Variants in CCDC170 observed in about 807,000 individuals in gnomAD.
CCDC170 encodes coiled-coil domain containing 170, also known as coiled-coil domain-containing protein 170.
In CCDC170, 69 loss-of-function variants were observed where a neutral mutation model predicts 72.6. That is an observed-to-expected ratio of 0.95 (90% CI 0.78 to 1.16). The LOEUF is 1.16. Ranked by LOEUF, CCDC170 falls within the 50% of genes most tolerant of loss-of-function variation. The pLI, the probability that CCDC170 is intolerant of heterozygous loss-of-function variation, is 0.00. For missense variants in CCDC170, 852 were observed against 832.5 expected (o/e 1.02, Z -0.29); for synonymous variants, 300 against 303.9 (o/e 0.99, Z 0.13).
At chr6:151,534,251 C>A (rs1367539341) in intron 1 of CCDC170, among the ~76,000 whole-genome samples, 1 of 151,692 alleles carries the variant, frequency 6.6e-6, no homozygotes, top group Non-Finnish European at 1.5e-5. Context: ...GAGATGGGGT[C>A]TCACTGTTGC....
chr6:151,559,444 T>C (rs1783040873), intron 5 of CCDC170, among the ~76,000 whole-genome samples: 1 of 152,236 alleles, frequency 6.6e-6, no homozygotes, highest in African/African-American at 2.4e-5. Flanking sequence ...AATTTATAAA[T>C]TATTTTATGT....
chr6:151,551,637 A>G (rs747432298), intron 5 of CCDC170, among the ~76,000 whole-genome samples: 3 of 152,170 alleles, frequency 2.0e-5, no homozygotes, highest in African/African-American at 4.8e-5. Context: ...CCATGTGGTG[A>G]AGACACTTAG....
intron 1 of CCDC170, 21 bp from the exon 2 acceptor site, chr6:151,536,297 A>G (rs758093912): frequency 6.2e-7 from 1 of 1,611,976 alleles, no homozygotes; most frequent in South Asian, 1.1e-5. Flanking sequence ...TATATTTTGT[A>G]TTTTGGGGGA....
chr6:151,494,226 G>A (rs909666536), intron 1 of CCDC170, 41 bp downstream of exon 1: 2 of 1,478,388 alleles, frequency 1.4e-6, no homozygotes, highest in Non-Finnish European at 1.8e-6. Flanking sequence ...GGTGGCCCTG[G>A]GGATAGACGA....
chr6:151,615,555 T>C lies in CCDC170; in HGVS notation c.1823T>C (p.Leu608Pro). 6.2e-7 allele frequency: 1 copy of C among 1,613,996 alleles called. No homozygotes were observed. Among genetic ancestry groups the C allele is most frequent in the African/African-American group, 1.3e-5 (1 of 75,018 alleles). ...AAGCTCATGTCTGTCAAGTCAGAACTGGATACCACAGAACATGAGGCTAAG... is the reference window on the plus strand; with the variant it reads ...AAGCTCATGTCTGTCAAGTCAGAACCGGATACCACAGAACATGAGGCTAAG... Reference protein sequence around the residue: ...EKKLMSVKSELDTTEHEAKEN... With the variant: ...EKKLMSVKSEPDTTEHEAKEN... The change falls in exon 10 of 11, where the codon CTG becomes CCG. Residue 608 changes from leucine to proline, a missense_variant. Transcript: ENST00000239374.
chr6:151,562,382 C>CT (rs1412811143), intron 5 of CCDC170, among the ~76,000 whole-genome samples: 2 of 151,954 alleles, frequency 1.3e-5, no homozygotes, highest in Admixed American at 1.3e-4. Flanking sequence ...AATGGGACTT[C>CT]TTTTTTAAAT....
chr6:151,590,247 A>G (rs1019705077), intron 7 of CCDC170, among the ~76,000 whole-genome samples: 1 of 152,194 alleles, frequency 6.6e-6, no homozygotes, highest in Admixed American at 6.5e-5. Context: ...TAAGGCCAGA[A>G]AAAATCATTT....
chr6:151,561,507 T>C (rs1583027081), intron 5 of CCDC170, among the ~76,000 whole-genome samples: 1 of 152,130 alleles, frequency 6.6e-6, no homozygotes, highest in Non-Finnish European at 1.5e-5. Flanking sequence ...GGCTGGCAAT[T>C]TTTTTCTTTT....
chr6:151,593,033 A>G, intron 7 of CCDC170, 74 bp from the exon 8 acceptor site: 2 of 1,474,992 alleles, frequency 1.4e-6, no homozygotes. Flanking sequence ...TGGGAGAAAG[A>G]GGAAGAGATT....
intron 1 of CCDC170, among the ~76,000 whole-genome samples, chr6:151,523,700 AAT>A (rs1273848482): frequency 2.6e-5 from 4 of 150,980 alleles, no homozygotes; most frequent in Non-Finnish European, 1.5e-5. Context: ...AAAAAAAAAA[AAT>A]CATTGAATTC....
chr6:151,602,099 C>A (rs1024514448), intron 9 of CCDC170, among the ~76,000 whole-genome samples: 2 of 152,096 alleles, frequency 1.3e-5, no homozygotes, highest in Admixed American at 6.6e-5. Context: ...TGATTGAAGA[C>A]CTTGATGCCT....
chr6:151,508,212 G>A (rs1782091595), intron 1 of CCDC170, among the ~76,000 whole-genome samples: 1 of 152,150 alleles, frequency 6.6e-6, no homozygotes, highest in Non-Finnish European at 1.5e-5. Flanking sequence ...AGCTTATTAA[G>A]GTTTCAAGCA....
At position 151,620,167 on chromosome 6, in the gene CCDC170, A is replaced by G. The variant is rs1347631149; in HGVS notation, c.*2020A>G. The G allele has an allele frequency of 6.7e-6, 1 of 149,154 alleles. No individual in the cohort carries two copies. Among genetic ancestry groups the G allele is most frequent in the Non-Finnish European group, 1.5e-5 (1 of 67,472 alleles). 9.2% of individuals were successfully genotyped at this position (149,154 alleles called of 1,614,324 possible). On this transcript the variant is annotated 3_prime_UTR_variant, in exon 11 of 11. Coordinates refer to ENST00000239374, the MANE Select transcript of CCDC170 (RefSeq NM_025059.4). ...AGATCTTCTTTTAGGAAAACTACCA[A>G]TAAATGTAGAATGGATGATTCCAAA...
intron 6 of CCDC170, among the ~76,000 whole-genome samples, chr6:151,584,727 C>T (rs1452600876): frequency 6.6e-6 from 1 of 151,990 alleles, no homozygotes; most frequent in African/African-American, 2.4e-5. Context: ...TGATTTATAC[C>T]TGTTGGTTCT....
rs776684230 is a variant in CCDC170, at chr6:151,538,232, C to T, written c.374C>T (p.Thr125Ile). The T allele has an allele frequency of 1.2e-5, 19 of 1,613,630 alleles. No homozygotes were observed. The highest frequency in any genetic ancestry group is 6.7e-5 in the African/African-American group (5 of 74,916). The change falls in exon 3 of 11, where the codon ACA becomes ATA. Residue 125 changes from threonine to isoleucine, a missense_variant. Thr to Ile is a moderately conservative substitution (Grantham distance 89). Coordinates refer to ENST00000239374, the MANE Select transcript of CCDC170 (RefSeq NM_025059.4). ...ACTTCTAAAATCAGAACAGAAATCACAGCTCACGCTGCAATCAAGGAGAAC... is the reference window on the plus strand; with the variant it reads ...ACTTCTAAAATCAGAACAGAAATCATAGCTCACGCTGCAATCAAGGAGAAC... Reference protein sequence around the residue: ...LSTSKIRTEITAHAAIKENQE... With the variant: ...LSTSKIRTEIIAHAAIKENQE...
chr6:151,576,503 A>T (rs1258148086), intron 6 of CCDC170, among the ~76,000 whole-genome samples: 1 of 152,034 alleles, frequency 6.6e-6, no homozygotes, highest in Non-Finnish European at 1.5e-5. Context: ...GCGCATAATT[A>T]TCAGCATGAT....
chr6:151,569,468 AT>A (rs1776188104), intron 5 of CCDC170, among the ~76,000 whole-genome samples: 1 of 152,082 alleles, frequency 6.6e-6, no homozygotes, highest in Non-Finnish European at 1.5e-5. Flanking sequence ...TTATAAAAAA[AT>A]TTTTTAAGTG....
At chr6:151,586,470 G>A (rs1776452263) in intron 7 of CCDC170, among the ~76,000 whole-genome samples, 1 of 152,136 alleles carries the variant, frequency 6.6e-6, no homozygotes, top group Non-Finnish European at 1.5e-5. Flanking sequence ...CCAGATAAAG[G>A]GAAGATTTTA....
intron 6 of CCDC170, among the ~76,000 whole-genome samples, chr6:151,579,450 G>A (rs966737257): frequency 4.6e-5 from 7 of 152,308 alleles, no homozygotes; most frequent in Middle Eastern, 3.4e-3. Context: ...GAGTGCAGGA[G>A]GGCTCTCAGC....
Sources: allele counts gnomAD v4.1 joint callset (sites outside exome capture counted in the v4.1 genomes callset), GRCh38; gene constraint gnomAD v4.1.1; transcripts MANE v1.5; gene names NCBI Gene and HGNC (gene_info 2026-07-23, HGNC 2026-07-21).